Variants in MRPL13 observed in about 807,000 individuals in gnomAD.
The protein encoded by MRPL13 is large ribosomal subunit protein uL13m.
MRPL13 carries 33 observed loss-of-function variants against 29.0 expected under a neutral mutation model. That is an observed-to-expected ratio of 1.14 (90% CI 0.86 to 1.52). The LOEUF (loss-of-function observed/expected upper bound fraction) is 1.52. Among genes scored for constraint, MRPL13 ranks in the 40% most tolerant of loss-of-function variants. The probability of loss-of-function intolerance (pLI) is 0.00; values close to 1 mark genes in which losing one functional copy is unlikely to be tolerated. For missense variants in MRPL13, 227 were observed against 216.7 expected, an observed-to-expected ratio of 1.05 and a Z score of -0.30; for synonymous variants, 77 against 68.4, an observed-to-expected ratio of 1.13 and a Z score of -0.62.
chr8:120,441,377 G>C (rs1247248763), intron 2 of MRPL13, among the ~76,000 whole-genome samples: 1 of 152,138 alleles, frequency 6.6e-6, no homozygotes, highest in Non-Finnish European at 1.5e-5. Flanking sequence ...TCTAAGGCAT[G>C]AGAAGAGGTT....
chr8:120,422,696 A>AAAAAAAAAAAAAAAAAAAAAT, intron 4 of MRPL13, among the ~76,000 whole-genome samples: 1 of 150,116 alleles, frequency 6.7e-6, no homozygotes, highest in Non-Finnish European at 1.5e-5. Context: ...TGTTTATAAA[A>AAAAAAAAAAAAAAAAAAAAAT]ATATTTTTTA....
chr8:120,435,844 A>G (rs1220473424), intron 2 of MRPL13, among the ~76,000 whole-genome samples: 1 of 152,022 alleles, frequency 6.6e-6, no homozygotes, highest in Admixed American at 6.6e-5. Flanking sequence ...ATGGTATCTC[A>G]TTGTGGTTTT....
chr8:120,439,624 T>C (rs1813094424), intron 2 of MRPL13, among the ~76,000 whole-genome samples: 1 of 152,184 alleles, frequency 6.6e-6, no homozygotes, highest in African/African-American at 2.4e-5. Flanking sequence ...GAAAGTGTCA[T>C]TCTACAAATG....
intron 6 of MRPL13, among the ~76,000 whole-genome samples, chr8:120,403,524 T>C (rs1812628678): frequency 6.6e-6 from 1 of 152,054 alleles, no homozygotes; most frequent in South Asian, 2.1e-4. Flanking sequence ...TCAGGAAGAA[T>C]AGCGAATGGA....
intron 4 of MRPL13, among the ~76,000 whole-genome samples, chr8:120,422,280 G>A (rs1812881858): frequency 6.6e-6 from 1 of 151,572 alleles, no homozygotes; most frequent in Non-Finnish European, 1.5e-5. Context: ...CTAGCACTTT[G>A]CTAATTTATT....
At chr8:120,442,013 A>G (rs1357570383) in intron 2 of MRPL13, among the ~76,000 whole-genome samples, 1 of 152,200 alleles carries the variant, frequency 6.6e-6, no homozygotes, top group Non-Finnish European at 1.5e-5. Flanking sequence ...AGTAAGAAAA[A>G]AGCAAAGGAC....
intron 3 of MRPL13, among the ~76,000 whole-genome samples, chr8:120,431,538 A>G (rs147136980): frequency 5.3e-5 from 8 of 152,298 alleles, no homozygotes; most frequent in African/African-American, 1.7e-4. Flanking sequence ...GAAAAGTTCT[A>G]TTGCAACAGA....
chr8:120,410,569 A>C (rs1451523680), intron 6 of MRPL13, among the ~76,000 whole-genome samples: 1 of 152,198 alleles, frequency 6.6e-6, no homozygotes, highest in Non-Finnish European at 1.5e-5. Context: ...ATAGTCCAAT[A>C]ATGTAGACAC....
At chr8:120,434,912 C>T (rs1813035801) in intron 2 of MRPL13, among the ~76,000 whole-genome samples, 1 of 152,098 alleles carries the variant, frequency 6.6e-6, no homozygotes, top group Non-Finnish European at 1.5e-5. Flanking sequence ...GGTCCTAGAT[C>T]CTTGCTGCAG....
intron 6 of MRPL13, among the ~76,000 whole-genome samples, chr8:120,397,672 A>G (rs1198948879): frequency 6.6e-6 from 1 of 151,236 alleles, no homozygotes; most frequent in Non-Finnish European, 1.5e-5. Flanking sequence ...CCCTGCAGGA[A>G]TTTCAACAAC....
chr8:120,411,769 C>A (rs540096375), intron 6 of MRPL13, among the ~76,000 whole-genome samples: 62 of 152,188 alleles, frequency 4.1e-4, no homozygotes, highest in African/African-American at 1.3e-3. Context: ...GCAGGAAAAT[C>A]TATTCCCAGA....
At chr8:120,423,275 T>C (rs1456044160) in intron 4 of MRPL13, among the ~76,000 whole-genome samples, 2 of 151,304 alleles carry the variant, frequency 1.3e-5, no homozygotes, top group African/African-American at 2.4e-5. Flanking sequence ...AGAGAGGTAC[T>C]GAATCATGTA....
intron 1 of MRPL13, 103 bp downstream of exon 1, chr8:120,444,965 C>G: frequency 6.5e-7 from 1 of 1,527,172 alleles, no homozygotes; most frequent in Non-Finnish European, 9.1e-7. Flanking sequence ...CCGAGGGTCT[C>G]GGCTTCCCTG....
At chr8:120,430,013 G>A (rs1484481592) in intron 3 of MRPL13, among the ~76,000 whole-genome samples, 2 of 152,144 alleles carry the variant, frequency 1.3e-5, no homozygotes, top group Admixed American at 1.3e-4. Flanking sequence ...TGTAATCACA[G>A]CACTTTGGGA....
chr8:120,404,593 C>T (rs1386426652), intron 6 of MRPL13, among the ~76,000 whole-genome samples: 2 of 152,210 alleles, frequency 1.3e-5, no homozygotes, highest in East Asian at 3.8e-4. Flanking sequence ...GCTTCTACTA[C>T]AATGTTTCTC....
At chr8:120,444,904 A>C in intron 1 of MRPL13, 164 bp downstream of exon 1, 1 of 758,912 alleles carries the variant, frequency 1.3e-6, no homozygotes. Context: ...AACGACATTA[A>C]GTGCTTGCCA....
At chr8:120,396,253 T>G in intron 6 of MRPL13, 128 bp from the exon 7 acceptor site, 1 of 680,410 alleles carries the variant, frequency 1.5e-6, no homozygotes, top group South Asian at 2.0e-5. Flanking sequence ...ACACTATATC[T>G]AAATTTTTGG....
intron 2 of MRPL13, among the ~76,000 whole-genome samples, chr8:120,442,207 T>C (rs919787377): frequency 1.3e-5 from 2 of 152,158 alleles, no homozygotes; most frequent in Non-Finnish European, 2.9e-5. Flanking sequence ...AGAACGAACA[T>C]ATCAAGTGTT....
intron 4 of MRPL13, among the ~76,000 whole-genome samples, chr8:120,421,506 A>C (rs1167502560): frequency 1.3e-5 from 2 of 151,946 alleles, no homozygotes; most frequent in Non-Finnish European, 2.9e-5. Context: ...ACTGATAAGC[A>C]AATTATGTCT....
Sources: allele counts gnomAD v4.1 joint callset (sites outside exome capture counted in the v4.1 genomes callset), GRCh38; gene constraint gnomAD v4.1.1; transcripts MANE v1.5; gene names NCBI Gene and HGNC (gene_info 2026-07-23, HGNC 2026-07-21).